The following ALDH8A1 variants were observed in gnomAD, a reference collection of about 807,000 sequenced individuals.
The protein encoded by ALDH8A1 is aldehyde dehydrogenase 8 family member A1.
A neutral mutation model predicts 43.3 loss-of-function variants in ALDH8A1; 39 were observed. That is an observed-to-expected ratio of 0.90 (90% confidence interval 0.70 to 1.18). ALDH8A1 has a LOEUF of 1.18. Among genes scored for constraint, ALDH8A1 ranks in the 50% most tolerant of loss-of-function variants. The pLI, the probability that ALDH8A1 is intolerant of heterozygous loss-of-function variation, is 0.00. For missense variants in ALDH8A1, 605 were observed against 622.6 expected (o/e 0.97, Z 0.30); for synonymous variants, 233 against 243.5 (o/e 0.96, Z 0.40).
chr6:134,929,201 G>C lies in ALDH8A1; in HGVS notation c.864C>G (p.Leu288=). The C allele has an allele frequency of 1.2e-6, 2 of 1,613,992 alleles. No homozygotes were observed. The highest frequency in any genetic ancestry group is 1.7e-6 in the Non-Finnish European group (2 of 1,179,976). ...TCTGGACAAAGATCCTGCTGGTACA[G>C]AGACAGATTTCACCCTGCCAAGAAT... ...SSFANQGEIC[L]CTSRIFVQKS... is the part of the protein sequence containing the mutation. The change falls in exon 6 of 7, where the codon CTC becomes CTG. Residue 288 remains leucine (L), a synonymous_variant. Coordinates refer to ENST00000265605, the MANE Select transcript of ALDH8A1 (RefSeq NM_022568.4).
Position 134,950,027 on chromosome 6 carries a change from C to T in ALDH8A1, c.27G>A (p.Met9Ile). ...ATTTTCCATCTATGAAGTTTTCCAG[C>T]ATCAAAAGTGCGTTTGTTCCAGCCA... is the stretch of plus-strand genomic sequence containing the variant. MAGTNALLMLENFIDGKFL... is the reference protein window; with the variant it reads MAGTNALLILENFIDGKFL... The change falls in exon 1 of 7, where the codon ATG becomes ATA. Residue 9 changes from methionine to isoleucine, a missense_variant. Transcript: ENST00000265605. 1 of 1,612,590 alleles carries T rather than the reference C, an allele frequency of 6.2e-7. No homozygotes were observed. The highest frequency in any genetic ancestry group is 8.5e-7 in the Non-Finnish European group (1 of 1,179,328).
chr6:134,926,222 T>A (rs1776880731), intron 6 of ALDH8A1, among the ~76,000 whole-genome samples: 1 of 148,718 alleles, frequency 6.7e-6, no homozygotes, highest in South Asian at 2.2e-4. Context: ...TTTTTTTTTT[T>A]TTTTGAGACA....
intron 4 of ALDH8A1, among the ~76,000 whole-genome samples, chr6:134,933,972 G>C (rs1278524593): frequency 6.6e-6 from 1 of 152,140 alleles, no homozygotes; most frequent in Non-Finnish European, 1.5e-5. Flanking sequence ...GCCTGCCAAA[G>C]TACTAGGATT....
At chr6:134,922,306 A>C (rs970919504) in intron 6 of ALDH8A1, among the ~76,000 whole-genome samples, 1 of 152,248 alleles carries the variant, frequency 6.6e-6, no homozygotes, top group Non-Finnish European at 1.5e-5. Context: ...TGGAAATACC[A>C]TCCTTATTGT....
chr6:134,944,227 C>T (rs950736436), intron 1 of ALDH8A1: 1 of 352,306 alleles, frequency 2.8e-6, no homozygotes, highest in African/African-American at 2.1e-5. Flanking sequence ...GCCACCATGC[C>T]CAGCTAATTT....
chr6:134,949,843 T>G, intron 1 of ALDH8A1, 73 bp downstream of exon 1: 1 of 1,457,528 alleles, frequency 6.9e-7, no homozygotes, highest in Non-Finnish European at 9.1e-7. Flanking sequence ...TCCCTCTGCT[T>G]TTAGAAAACT....
chr6:134,921,926 G>T (rs577850203), intron 6 of ALDH8A1, among the ~76,000 whole-genome samples: 1 of 152,346 alleles, frequency 6.6e-6, no homozygotes, highest in South Asian at 2.1e-4. Flanking sequence ...TTCTCTAGGC[G>T]TTTCTATTAG....
chr6:134,918,470 G>T lies in ALDH8A1; in HGVS notation c.1409C>A (p.Ala470Asp), dbSNP rs1262924223. Residue 470 changes from alanine to aspartate, a missense_variant, in exon 7 of 7, where the codon GCC becomes GAC. Ala to Asp is a moderately radical substitution (Grantham distance 126). Transcript: ENST00000265605. ...AGTGAAGAAGTCGTAAGAGTCCTTG[G>T]CTCCCTCTCTACCTATTCCAGAACT... Reference protein sequence around the residue: ...MKSSGIGREGAKDSYDFFTEI... With the variant: ...MKSSGIGREGDKDSYDFFTEI... The T allele has an allele frequency of 6.2e-7, 1 of 1,614,150 alleles. No individual in the cohort carries two copies.
intron 3 of ALDH8A1, among the ~76,000 whole-genome samples, chr6:134,939,987 C>A (rs1773824869): frequency 6.6e-6 from 1 of 152,206 alleles, no homozygotes; most frequent in African/African-American, 2.4e-5. Context: ...AAACCAAACA[C>A]CTGCATGTTC....
chr6:134,935,676 T>A (rs1362400382), intron 4 of ALDH8A1, among the ~76,000 whole-genome samples: 1 of 152,154 alleles, frequency 6.6e-6, no homozygotes, highest in African/African-American at 2.4e-5. Flanking sequence ...TTGCTTCTGG[T>A]TTCCTTCCCT....
rs760873672 is a variant in ALDH8A1 at position 134,939,259 on chromosome 6, T to A, written c.592+7A>T. The A allele has an allele frequency of 1.2e-6, 2 of 1,613,710 alleles. No homozygotes were observed. The highest frequency in any genetic ancestry group is 4.5e-5 in the East Asian group (2 of 44,884). On this transcript the variant is annotated splice_region_variant and intron_variant, in intron 4 of 6. Transcript: ENST00000265605. The stretch of plus-strand genomic sequence containing the variant: ...GTGCCTGCCCCCCAACCCCAACACC[T>A]AATTACCTGCTTTATCCAGGAGTTT...
chr6:134,934,633 C>CA (rs1313552941), intron 4 of ALDH8A1, among the ~76,000 whole-genome samples: 1 of 152,058 alleles, frequency 6.6e-6, no homozygotes, highest in Non-Finnish European at 1.5e-5. Flanking sequence ...TCATGTCCAC[C>CA]ATGTATATAA....
At chr6:134,932,588 A>G (rs1412697411) in intron 5 of ALDH8A1, among the ~76,000 whole-genome samples, 188 bp downstream of exon 5, 4 of 152,106 alleles carry the variant, frequency 2.6e-5, no homozygotes, top group Non-Finnish European at 5.9e-5. Flanking sequence ...AGAAGCTGTG[A>G]CTCTGCAAGG....
At chr6:134,932,363 G>A (rs551061948) in intron 5 of ALDH8A1, among the ~76,000 whole-genome samples, 3 of 152,238 alleles carry the variant, frequency 2.0e-5, no homozygotes, top group Non-Finnish European at 2.9e-5. Flanking sequence ...GTGGATGAAC[G>A]CATTTTGAAT....
At position 134,926,102 on chromosome 6, in the gene ALDH8A1, T is replaced by C. The variant is rs137991670; in HGVS notation, c.1011+2952A>G. On this transcript the variant is annotated intron_variant, in intron 6 of 6. Coordinates refer to ENST00000265605, the MANE Select transcript of ALDH8A1 (RefSeq NM_022568.4). The stretch of plus-strand genomic sequence containing the variant: ...ACATGGGGTATGACCATACACAGCA[T>C]GACACATCATCACCAGTGATGAAAT... Among the ~76,000 whole-genome samples, 60 of 151,820 alleles carry C rather than the reference T, an allele frequency of 4.0e-4. 1 individual carries two copies. Among genetic ancestry groups the C allele is most frequent in the African/African-American group, 1.4e-3 (56 of 41,364 alleles).
At chr6:134,925,047 G>C (rs1282633990) in intron 6 of ALDH8A1, among the ~76,000 whole-genome samples, 1 of 152,192 alleles carries the variant, frequency 6.6e-6, no homozygotes, top group African/African-American at 2.4e-5. Context: ...TATATTTGTA[G>C]TAATGCTGTA....
Position 134,939,191 on chromosome 6 carries a change from C to T in ALDH8A1, c.592+75G>A, listed in dbSNP as rs1426004759. 5.7e-6 allele frequency: 9 copies of T among 1,571,236 alleles called. No homozygotes were observed. In the Admixed American group the frequency reaches 1.5e-4, roughly 27 times the overall value. Reference sequence around the variant, plus strand: ...GATGTCACTGGAATCGATTGTGCTGCTGAGTGGAAGATTTCTATAAACTAT... The same window carrying T: ...GATGTCACTGGAATCGATTGTGCTGTTGAGTGGAAGATTTCTATAAACTAT... On this transcript the variant is annotated intron_variant, in intron 4 of 6. Coordinates refer to ENST00000265605, the MANE Select transcript of ALDH8A1 (RefSeq NM_022568.4).
intron 6 of ALDH8A1, among the ~76,000 whole-genome samples, chr6:134,928,455 T>G (rs1427546407): frequency 1.3e-5 from 2 of 152,232 alleles, no homozygotes; most frequent in Non-Finnish European, 2.9e-5. Flanking sequence ...AGCAGAGTCC[T>G]TCTGACTCCA....
intron 2 of ALDH8A1, 24 bp downstream of exon 2, chr6:134,943,795 T>C (rs372954633): frequency 3.7e-6 from 6 of 1,611,510 alleles, no homozygotes; most frequent in South Asian, 1.1e-5. Context: ...GAGTCCCATG[T>C]TACAGTTAAG....
Sources: allele counts gnomAD v4.1 joint callset (sites outside exome capture counted in the v4.1 genomes callset), GRCh38; gene constraint gnomAD v4.1.1; transcripts MANE v1.5; gene names NCBI Gene and HGNC (gene_info 2026-07-23, HGNC 2026-07-21).